GNAS: variants seen among roughly 807,000 people sequenced by gnomAD.
GNAS encodes GNAS complex locus.
A neutral mutation model predicts 54.5 loss-of-function variants in GNAS; 8 were observed. The ratio of observed to expected loss-of-function variants is 0.15; its 90% CI spans 0.09 to 0.26. The LOEUF is 0.26. Ranked by LOEUF, GNAS falls within the 10% of genes least tolerant of loss-of-function variation. The pLI, the probability that GNAS is intolerant of heterozygous loss-of-function variation, is 1.00. For synonymous variants in GNAS, 204 were observed against 191.4 expected (o/e 1.07, Z -0.54); for missense variants, 170 against 529.8 (o/e 0.32, Z 6.67).
intron 1 of GNAS, among the ~76,000 whole-genome samples, chr20:58,845,221 T>C (rs376987481): frequency 2.6e-4 from 39 of 152,258 alleles, no homozygotes; most frequent in African/African-American, 9.4e-4. Context: ...CTGTTGAAAG[T>C]TTTTTGGTAA....
In GNAS at chr20:58,853,037, G is replaced by T; in HGVS notation, c.43+12151G>T. On this transcript the variant is annotated intron_variant, in intron 1 of 12. Coordinates refer to the GNAS transcript ENST00000306090. The surrounding 1 kb of genome is among the most constrained non-coding windows in gnomAD (Gnocchi z 4.4). ...AGCCTGGGGGCATGAAAAGTGGCCAGGAAGGAGCCAAGACTCCACCAGCAA... is the reference window on the plus strand; with the variant it reads ...AGCCTGGGGGCATGAAAAGTGGCCATGAAGGAGCCAAGACTCCACCAGCAA... 7.5e-7 allele frequency: 1 copy of T among 1,342,198 alleles called. No homozygotes were observed. Among genetic ancestry groups the T allele is most frequent in the Non-Finnish European group, 9.5e-7 (1 of 1,051,390 alleles). The allele number at this position is 1,342,198 out of a possible 1,614,324, so 83.1% of individuals were successfully genotyped here.
chr20:58,884,463 T>G (rs980457214), intron 1 of GNAS: 1 of 152,220 alleles, frequency 6.6e-6, no homozygotes, highest in Non-Finnish European at 1.5e-5. Flanking sequence ...CAATATCACA[T>G]CTCCAGGTGC....
chr20:58,892,766 C>G (rs1010376662), intron 1 of GNAS, among the ~76,000 whole-genome samples: 16 of 151,910 alleles, frequency 1.1e-4, no homozygotes, highest in Middle Eastern at 3.4e-3. Flanking sequence ...CGAGAAGTGC[C>G]CAGTGAAGCC....
chr20:58,876,954 G>T (rs1442598063), intron 1 of GNAS: 1 of 152,282 alleles, frequency 6.6e-6, no homozygotes, highest in Non-Finnish European at 1.5e-5. Flanking sequence ...CCCTCGCAGG[G>T]TTAGGATTCT....
intron 1 of GNAS, among the ~76,000 whole-genome samples, chr20:58,885,680 G>A (rs2088544739): frequency 6.6e-6 from 1 of 152,214 alleles, no homozygotes; most frequent in African/African-American, 2.4e-5. Flanking sequence ...ATGGTCTAAA[G>A]TAATAGAGCC....
chr20:58,909,086 T>G lies in GNAS; in HGVS notation c.531-76T>G. 1 of 1,251,576 alleles carries G rather than the reference T, an allele frequency of 8.0e-7. No individual in the cohort carries two copies. Among genetic ancestry groups the G allele is most frequent in the South Asian group, 1.2e-5 (1 of 83,740 alleles). 77.5% of individuals were successfully genotyped at this position (1,251,576 alleles called of 1,614,324 possible). ...ACGGTCACTTCCGTTGAGCCTGACCTTGTAGAGAGACACAAATAGTTGGCA... is the reference window on the plus strand; with the variant it reads ...ACGGTCACTTCCGTTGAGCCTGACCGTGTAGAGAGACACAAATAGTTGGCA... On this transcript the variant is annotated intron_variant, in intron 6 of 12. Coordinates refer to ENST00000371085, the MANE Select transcript of GNAS (RefSeq NM_000516.7). This position sits in a 1 kb window ranked among gnomAD's most constrained non-coding sequence, Gnocchi z 7.3.
intron 1 of GNAS, among the ~76,000 whole-genome samples, chr20:58,882,029 A>G (rs1340839792): frequency 1.3e-5 from 2 of 152,080 alleles, no homozygotes; most frequent in African/African-American, 2.4e-5. Context: ...CTTTCTAGAC[A>G]TTGCAGGTCC....
At chr20:58,840,417 A>G (rs1169393596), upstream of GNAS, 1 of 1,613,580 alleles carries the variant, frequency 6.2e-7, no homozygotes, top group South Asian at 1.1e-5. This position sits in a 1 kb window ranked among gnomAD's most constrained non-coding sequence, Gnocchi z 6.0. Context: ...CTAGAGTACG[A>G]GGAAGAGTTC....
chr20:58,870,174 A>C (rs531163813), intron 1 of GNAS, among the ~76,000 whole-genome samples: 1 of 152,372 alleles, frequency 6.6e-6, no homozygotes, highest in Non-Finnish European at 1.5e-5. Flanking sequence ...AAAGTTAAAG[A>C]AACTGAATAC....
chr20:58,855,665 GAGGGGCCCC>G lies in GNAS; in HGVS notation c.43+14780_43+14788del, dbSNP rs775201704. On this transcript the variant is annotated intron_variant, in intron 1 of 12. Coordinates refer to the GNAS transcript ENST00000306090. Reference sequence around the variant, plus strand: ...TTCAGGTGAGCCAGGAACTGCCGGGGAGGGGCCCCGGGGCCCCGGGACTCCCCTGGCTAG... The same window carrying G: ...TTCAGGTGAGCCAGGAACTGCCGGGGGGGGCCCCGGGACTCCCCTGGCTAG... 6.4e-4 allele frequency: 448 copies of G among 699,710 alleles called. 1 individual carries two copies. Among genetic ancestry groups the G allele is most frequent in the Non-Finnish European group, 7.4e-4 (277 of 375,126 alleles). The allele number at this position is 699,710 out of a possible 1,614,324, so 43.3% of individuals were successfully genotyped here.
intron 1 of GNAS, among the ~76,000 whole-genome samples, chr20:58,866,437 C>A (rs142382961): frequency 1.3e-5 from 2 of 152,158 alleles, no homozygotes; most frequent in Non-Finnish European, 2.9e-5. Context: ...ATAAAGTGGA[C>A]ACCCCCTTCT....
intron 4 of GNAS, 33 bp from the exon 5 acceptor site, chr20:58,903,639 T>C (rs768667972): frequency 1.9e-6 from 3 of 1,614,168 alleles, no homozygotes; most frequent in Non-Finnish European, 1.7e-6. Context: ...CAGCCAGTGC[T>C]GTTCCCTGAC....
At chr20:58,848,836 C>T (rs1461712006) in intron 1 of GNAS, 1 of 398,528 alleles carries the variant, frequency 2.5e-6, no homozygotes, top group Non-Finnish European at 4.4e-6. Flanking sequence ...CTTCTGGGGT[C>T]CCTGACCCCA....
At chr20:58,889,668 G>C (rs370451687), upstream of GNAS, 1 of 151,492 alleles carries the variant, frequency 6.6e-6, no homozygotes, top group East Asian at 1.9e-4. Flanking sequence ...TCCCTTTTTC[G>C]TTTGCTCATC....
intron 1 of GNAS, chr20:58,854,350 A>G (rs1293605855): frequency 6.3e-7 from 1 of 1,584,458 alleles, no homozygotes; most frequent in Non-Finnish European, 8.6e-7. Flanking sequence ...GCAGAGATGG[A>G]AGGAGCCGCT....
At chr20:58,864,431 A>C (rs950175154) in intron 1 of GNAS, among the ~76,000 whole-genome samples, 5 of 152,132 alleles carry the variant, frequency 3.3e-5, no homozygotes, top group African/African-American at 1.2e-4. Context: ...TAGGGCCTTC[A>C]AGATGCTGAA....
intron 1 of GNAS, chr20:58,855,032 C>T (rs770618796): frequency 3.1e-6 from 5 of 1,612,952 alleles, no homozygotes; most frequent in Non-Finnish European, 4.2e-6. Flanking sequence ...CCGGATGCCT[C>T]CGCTGGTTTC....
In GNAS at chr20:58,857,349, T is replaced by C. The variant is rs1170230285; in HGVS notation, c.43+16463T>C. Reference sequence around the variant, plus strand: ...TGTTTTAAATTTCAAATGTCTCAACTACACTAAAGCTACCAAACATTAAAT... The same window carrying C: ...TGTTTTAAATTTCAAATGTCTCAACCACACTAAAGCTACCAAACATTAAAT... On this transcript the variant is annotated intron_variant, in intron 1 of 12. Transcript: ENST00000306090. The surrounding 1 kb of genome is among the most constrained non-coding windows in gnomAD (Gnocchi z 4.1). Among the ~76,000 whole-genome samples the C allele has an allele frequency of 2.0e-5, 3 of 152,184 alleles. No homozygotes were observed. In the East Asian group the frequency reaches 5.8e-4, roughly 29 times the overall value.
intron 2 of GNAS, chr20:58,898,642 T>C (rs1192320479): frequency 7.4e-6 from 4 of 537,208 alleles, no homozygotes; most frequent in Admixed American, 6.2e-5. Context: ...CGTGTACGTT[T>C]AGTGAAAGCA....
Sources: gnomAD v4.1 joint callset for allele counts (sites outside exome capture counted in the v4.1 genomes callset) on GRCh38, gnomAD v4.1.1 for gene constraint, Gnocchi (gnomAD v3.1) non-coding constraint, MANE v1.5 for transcripts, NCBI Gene and HGNC (gene_info 2026-07-23, HGNC 2026-07-21) for gene names.